The following DCLK3 variants were observed in gnomAD, a reference collection of about 807,000 sequenced individuals.
DCLK3 encodes the protein doublecortin like kinase 3, also known as serine/threonine-protein kinase DCLK3.
A neutral mutation model predicts 46.4 loss-of-function variants in DCLK3; 30 were observed. The ratio of observed to expected loss-of-function variants is 0.65; its 90% CI spans 0.48 to 0.88. The LOEUF (loss-of-function observed/expected upper bound fraction) is 0.88. DCLK3 is among the 40% of genes least tolerant of loss of function. The pLI, the probability that DCLK3 is intolerant of heterozygous loss-of-function variation, is 0.00. For synonymous variants in DCLK3, 401 were observed against 339.2 expected (o/e 1.18, Z -2.00); for missense variants, 846 against 907.1 (o/e 0.93, Z 0.87).
intron 1 of DCLK3, among the ~76,000 whole-genome samples, chr3:36,763,420 C>T (rs966535323): frequency 6.6e-5 from 10 of 152,274 alleles, no homozygotes; most frequent in Non-Finnish European, 1.5e-4. Context: ...ACACCTCGCC[C>T]CCAGGGCCAG....
intron 1 of DCLK3, among the ~76,000 whole-genome samples, chr3:36,753,796 A>G (rs1385841154): frequency 6.6e-6 from 1 of 152,122 alleles, no homozygotes; most frequent in Admixed American, 6.5e-5. Flanking sequence ...CTGCCTCCCA[A>G]GTGGCTGACA....
intron 2 of DCLK3, among the ~76,000 whole-genome samples, chr3:36,722,690 G>A (rs1263655965): frequency 6.6e-6 from 1 of 152,186 alleles, no homozygotes; most frequent in Admixed American, 6.5e-5. Flanking sequence ...TTAAAAATGG[G>A]AGTTTGCCTG....
chr3:36,735,597 A>T (rs1355218518), intron 2 of DCLK3, among the ~76,000 whole-genome samples: 1 of 152,212 alleles, frequency 6.6e-6, no homozygotes, highest in Admixed American at 6.5e-5. Flanking sequence ...AGCCATGGAA[A>T]TTAAAGAAAA....
Position 36,714,318 on chromosome 3 carries a change from T to G in DCLK3, c.*1010A>C, listed in dbSNP as rs376825196. On this transcript the variant is annotated 3_prime_UTR_variant, in exon 5 of 5. Transcript: ENST00000636136. ...CTCTTGACTAGATTTTGTGGCCTAC[T>G]AACCAGGTCATTCATAATCTAGGAA... is the stretch of plus-strand genomic sequence containing the variant. The G allele has an allele frequency of 5.3e-5, 8 of 152,348 alleles. No homozygotes were observed. The South Asian group carries it at 1.5e-3, about 28-fold the overall frequency. 9.4% of individuals were successfully genotyped at this position (152,348 alleles called of 1,614,324 possible).
intron 2 of DCLK3, among the ~76,000 whole-genome samples, chr3:36,726,362 A>AT (rs1449871625): frequency 6.6e-6 from 1 of 151,882 alleles, no homozygotes; most frequent in Non-Finnish European, 1.5e-5. Flanking sequence ...ACTAGAATAA[A>AT]TTTGGGCAAT....
chr3:36,746,128 T>A (rs1701391616), intron 1 of DCLK3, among the ~76,000 whole-genome samples: 1 of 152,162 alleles, frequency 6.6e-6, no homozygotes, highest in South Asian at 2.1e-4. Context: ...TTAAAGAGAC[T>A]TTTTCCTGCT....
rs902634975 is a variant in DCLK3, at chr3:36,735,145, G to C, written c.1959+2063C>G. Among the ~76,000 whole-genome samples the C allele has an allele frequency of 5.3e-5, 8 of 151,520 alleles. No homozygotes were observed. The South Asian group carries it at 6.2e-4, about 12-fold the overall frequency. ...CGTGGGACCTCCTCAGGCCTCGAAAGGGATCTCTCCTGCTTAGACAATTCG... is the reference window on the plus strand; with the variant it reads ...CGTGGGACCTCCTCAGGCCTCGAAACGGATCTCTCCTGCTTAGACAATTCG... On this transcript the variant is annotated intron_variant, in intron 2 of 4. Coordinates refer to ENST00000636136, the MANE Select transcript of DCLK3 (RefSeq NM_001394672.2).
intron 2 of DCLK3, among the ~76,000 whole-genome samples, chr3:36,727,025 G>T (rs1701132115): frequency 6.6e-6 from 1 of 152,162 alleles, no homozygotes; most frequent in Admixed American, 6.5e-5. Flanking sequence ...AGTGGCTCAT[G>T]TAATCCCAGT....
At position 36,743,048 on chromosome 3, in the gene DCLK3, T is replaced by C. The variant is rs530975213; in HGVS notation, c.83-3964A>G. Among the ~76,000 whole-genome samples, 5 of 152,174 alleles carry C rather than the reference T, an allele frequency of 3.3e-5. No individual in the cohort carries two copies. The South Asian group carries it at 1.0e-3, about 32-fold the overall frequency. On this transcript the variant is annotated intron_variant, in intron 1 of 4. Transcript: ENST00000636136. ...TGGAACCATATGAAATTGCTGGTAGTTCTACCAATTTTGAACCATAAAAAA... is the reference window on the plus strand; with the variant it reads ...TGGAACCATATGAAATTGCTGGTAGCTCTACCAATTTTGAACCATAAAAAA...
chr3:36,728,841 G>C (rs1267493965), intron 2 of DCLK3, among the ~76,000 whole-genome samples: 1 of 152,136 alleles, frequency 6.6e-6, no homozygotes, highest in Non-Finnish European at 1.5e-5. Flanking sequence ...ATGCTCTGGT[G>C]AATCCTTACA....
intron 1 of DCLK3, among the ~76,000 whole-genome samples, chr3:36,752,381 G>C (rs116827068): frequency 2.0e-5 from 3 of 152,102 alleles, no homozygotes; most frequent in East Asian, 3.9e-4. Flanking sequence ...GAGCTGTCCC[G>C]GAATAATTAC....
chr3:36,761,760 C>A (rs1397304297), intron 1 of DCLK3, among the ~76,000 whole-genome samples: 1 of 152,038 alleles, frequency 6.6e-6, no homozygotes, highest in Non-Finnish European at 1.5e-5. Flanking sequence ...AAGACAAGAC[C>A]CCTCTGAGAA....
chr3:36,716,425 T>C (rs1218424549), intron 4 of DCLK3, among the ~76,000 whole-genome samples: 1 of 152,042 alleles, frequency 6.6e-6, no homozygotes, highest in East Asian at 1.9e-4. Flanking sequence ...ACCACCCAAT[T>C]CAAGCTGGGA....
At chr3:36,749,915 AAAT>A (rs1459782287) in intron 1 of DCLK3, among the ~76,000 whole-genome samples, 2 of 152,188 alleles carry the variant, frequency 1.3e-5, no homozygotes, top group African/African-American at 2.4e-5. Context: ...TGTTTATGTA[AAAT>A]AATAATAAGG....
intron 3 of DCLK3, among the ~76,000 whole-genome samples, chr3:36,719,286 A>C (rs899075914): frequency 2.0e-4 from 30 of 152,346 alleles, no homozygotes; most frequent in African/African-American, 6.5e-4. Flanking sequence ...CTTTCTAACT[A>C]ACTTTTTACA....
intron 2 of DCLK3, among the ~76,000 whole-genome samples, chr3:36,726,803 A>C (rs1343677281): frequency 6.6e-6 from 1 of 152,252 alleles, no homozygotes; most frequent in Non-Finnish European, 1.5e-5. Context: ...ATAGAAACTG[A>C]CATAGCCCAA....
chr3:36,761,359 G>A (rs1205675443), intron 1 of DCLK3, among the ~76,000 whole-genome samples: 1 of 152,154 alleles, frequency 6.6e-6, no homozygotes. Flanking sequence ...TCCTAGAGAA[G>A]TTCAGTGACT....
chr3:36,733,516 C>G (rs6808078), intron 2 of DCLK3, among the ~76,000 whole-genome samples: 120,411 of 151,456 alleles, frequency 0.8, 48,273 homozygotes, highest in Middle Eastern at 0.87. Flanking sequence ...CTTCCACCCT[C>G]TGTGAGCTGG....
chr3:36,721,870 C>T (rs902189994), intron 2 of DCLK3, among the ~76,000 whole-genome samples: 1 of 152,128 alleles, frequency 6.6e-6, no homozygotes, highest in Non-Finnish European at 1.5e-5. Context: ...TTTACTAGGC[C>T]GTCCAATATG....
Sources: gnomAD v4.1 joint callset for allele counts (sites outside exome capture counted in the v4.1 genomes callset) on GRCh38, gnomAD v4.1.1 for gene constraint, MANE v1.5 for transcripts, NCBI Gene and HGNC (gene_info 2026-07-23, HGNC 2026-07-21) for gene names.